Variants in TAF2 observed in about 807,000 individuals in gnomAD.
TAF2 encodes the protein TATA-box binding protein associated factor 2.
Under a neutral mutation model 138.5 loss-of-function variants are expected in TAF2, and 61 were observed. The ratio of observed to expected loss-of-function variants is 0.44; its 90% confidence interval spans 0.36 to 0.54. TAF2 has a LOEUF of 0.54. Ranked by LOEUF, TAF2 falls within the 20% of genes least tolerant of loss-of-function variation. TAF2 has a pLI of 0.00. For missense variants in TAF2, 1,090 were observed against 1,427.9 expected (o/e 0.76, Z 3.81); for synonymous variants, 475 against 469.9 (o/e 1.01, Z -0.14).
chr8:119,801,597 T>G (rs1824266862), intron 6 of TAF2, among the ~76,000 whole-genome samples, 197 bp downstream of exon 6: 1 of 151,924 alleles, frequency 6.6e-6, no homozygotes, highest in South Asian at 2.1e-4. Flanking sequence ...CCTGGCTAAT[T>G]TTTTGTATTT....
At chr8:119,758,242 G>T in intron 20 of TAF2, 100 bp from the exon 21 acceptor site, 2 of 1,061,380 alleles carry the variant, frequency 1.9e-6, no homozygotes, top group Non-Finnish European at 2.8e-6. Context: ...TTAGGACTCT[G>T]CCTTAGCTGA....
intron 3 of TAF2, among the ~76,000 whole-genome samples, chr8:119,814,831 C>T (rs982919664): frequency 6.6e-6 from 1 of 150,730 alleles, no homozygotes; most frequent in African/African-American, 2.4e-5. Flanking sequence ...ATCGCTTGAA[C>T]CCAGGAGGTG....
chr8:119,771,432 C>T (rs1009655015), intron 18 of TAF2, among the ~76,000 whole-genome samples: 2 of 151,926 alleles, frequency 1.3e-5, no homozygotes, highest in African/African-American at 4.8e-5. Context: ...GACGAGGTTT[C>T]ACCATGTTGG....
At chr8:119,772,587 C>T (rs1821922143) in intron 18 of TAF2, among the ~76,000 whole-genome samples, 1 of 152,016 alleles carries the variant, frequency 6.6e-6, no homozygotes, top group African/African-American at 2.4e-5. Flanking sequence ...CAGACCTACC[C>T]ACCCCTTGAA....
At chr8:119,732,656 T>C (rs1019811479) in intron 25 of TAF2, among the ~76,000 whole-genome samples, 16 of 151,792 alleles carry the variant, frequency 1.1e-4, no homozygotes, top group African/African-American at 3.4e-4. Context: ...ATACAAAAAT[T>C]AGCCGGGCAT....
chr8:119,775,843 C>T (rs1037558207), intron 18 of TAF2, among the ~76,000 whole-genome samples: 26 of 152,036 alleles, frequency 1.7e-4, no homozygotes, highest in Non-Finnish European at 3.2e-4. Flanking sequence ...GATAAAATTT[C>T]CCTGGGAACT....
intron 2 of TAF2, among the ~76,000 whole-genome samples, chr8:119,830,480 A>G (rs1401523275): frequency 6.6e-6 from 1 of 152,162 alleles, no homozygotes; most frequent in Non-Finnish European, 1.5e-5. Flanking sequence ...TAATTCCCTT[A>G]TCTTTCCTAC....
At chr8:119,757,001 T>G (rs1820745764) in intron 21 of TAF2, among the ~76,000 whole-genome samples, 1 of 152,186 alleles carries the variant, frequency 6.6e-6, no homozygotes, top group East Asian at 1.9e-4. Context: ...GAAATTGGGT[T>G]GTAATTCTTA....
At chr8:119,831,466 GA>G (rs201699553) in intron 2 of TAF2, among the ~76,000 whole-genome samples, 6 of 151,286 alleles carry the variant, frequency 4.0e-5, no homozygotes, top group African/African-American at 1.5e-4. Context: ...TTAGGAAATT[GA>G]AAAAAAAGGA....
At chr8:119,814,817 GA>G in intron 3 of TAF2, among the ~76,000 whole-genome samples, 1 of 151,566 alleles carries the variant, frequency 6.6e-6, no homozygotes, top group Admixed American at 6.6e-5. Flanking sequence ...GCTGAGACAG[GA>G]GAATCGCTTG....
At chr8:119,752,175 T>C (rs1820399017) in intron 22 of TAF2, among the ~76,000 whole-genome samples, 1 of 152,186 alleles carries the variant, frequency 6.6e-6, no homozygotes, top group South Asian at 2.1e-4. Context: ...GTATTATTCT[T>C]AAAATTTTTA....
At chr8:119,828,167 C>T (rs187501533) in intron 2 of TAF2, among the ~76,000 whole-genome samples, 7 of 152,224 alleles carry the variant, frequency 4.6e-5, no homozygotes, top group Non-Finnish European at 5.9e-5. Flanking sequence ...TGTTAGCCAC[C>T]GTGCCCAGCC....
intron 17 of TAF2, among the ~76,000 whole-genome samples, chr8:119,780,664 G>A (rs538354613): frequency 2.6e-5 from 4 of 152,220 alleles, no homozygotes; most frequent in South Asian, 2.1e-4. Flanking sequence ...GGCCGGGCGC[G>A]GTGGCTCACA....
intron 15 of TAF2, among the ~76,000 whole-genome samples, chr8:119,784,018 A>C (rs1822852080): frequency 6.6e-6 from 1 of 152,242 alleles, no homozygotes; most frequent in African/African-American, 2.4e-5. Flanking sequence ...CTGACTTAAG[A>C]CTTTTTAAAA....
chr8:119,790,475 G>A (rs922027100), intron 11 of TAF2, among the ~76,000 whole-genome samples: 3 of 151,444 alleles, frequency 2.0e-5, no homozygotes, highest in Non-Finnish European at 4.4e-5. Flanking sequence ...CAAGGTGAAG[G>A]ACAGAAAGAT....
intron 3 of TAF2, 152 bp downstream of exon 3, chr8:119,819,194 C>G: frequency 2.7e-6 from 2 of 748,982 alleles, no homozygotes; most frequent in South Asian, 2.0e-5. Flanking sequence ...ATCACTTGAA[C>G]CAAATGTACA....
chr8:119,777,422 T>C (rs1822330512), intron 18 of TAF2, among the ~76,000 whole-genome samples: 2 of 152,142 alleles, frequency 1.3e-5, no homozygotes, highest in Admixed American at 6.6e-5. Context: ...ATAAATAAAG[T>C]TCATTAAGAC....
chr8:119,832,355 T>A (rs1240538921), intron 1 of TAF2, 127 bp downstream of exon 1: 1 of 824,588 alleles, frequency 1.2e-6, no homozygotes, highest in Non-Finnish European at 2.0e-6. Flanking sequence ...ACCATTTCCA[T>A]CACAGTGAGT....
At chr8:119,740,491 T>TAAAAAAAA (rs34577375) in intron 25 of TAF2, among the ~76,000 whole-genome samples, 1 of 86,912 alleles carries the variant, frequency 1.2e-5, no homozygotes, top group Admixed American at 1.4e-4. Flanking sequence ...CTGTCTCTAC[T>TAAAAAAAA]AAAAAAAAAA....
Sources: allele counts gnomAD v4.1 joint callset (sites outside exome capture counted in the v4.1 genomes callset), GRCh38; gene constraint gnomAD v4.1.1; transcripts MANE v1.5; gene names NCBI Gene and HGNC (gene_info 2026-07-23, HGNC 2026-07-21).